The following SYNE1 variants were observed in gnomAD, a reference collection of about 807,000 sequenced individuals.
SYNE1 encodes spectrin repeat containing nuclear envelope protein 1.
SYNE1 carries 616 observed loss-of-function variants against 1,111.0 expected under a neutral mutation model. The observed-to-expected ratio is 0.55, with a 90% CI of 0.52 to 0.59. The LOEUF (loss-of-function observed/expected upper bound fraction) is 0.59, where lower values mean the gene tolerates loss of function less well. SYNE1 is among the 20% of genes least tolerant of loss of function. The pLI is 0.00. For synonymous variants in SYNE1, 3,855 were observed against 3,825.8 expected (o/e 1.01, Z -0.28); for missense variants, 10,006 against 10,417.0 (o/e 0.96, Z 1.72).
At chr6:152,381,430 T>C (rs1267426287) in intron 55 of SYNE1, 68 bp from the exon 56 acceptor site, 2 of 1,522,690 alleles carry the variant, frequency 1.3e-6, no homozygotes, top group Non-Finnish European at 1.8e-6. Flanking sequence ...TTTTCAACTG[T>C]GTACACAGGG....
At chr6:152,374,629 C>G (rs527697528) in intron 58 of SYNE1, among the ~76,000 whole-genome samples, 2 of 152,230 alleles carry the variant, frequency 1.3e-5, no homozygotes, top group Non-Finnish European at 2.9e-5. Flanking sequence ...CAAAAGTTAG[C>G]TGGGCGTGTT....
rs144692175 is a variant in SYNE1 at position 152,358,495 on chromosome 6, C to T, written c.10486G>A (p.Glu3496Lys). The change falls in exon 66 of 146, where the codon GAG becomes AAG. Residue 3496 changes from glutamate to lysine, a missense_variant. Glu to Lys is a moderately conservative substitution (Grantham distance 56). Coordinates refer to ENST00000367255, the MANE Select transcript of SYNE1 (RefSeq NM_182961.4). ...KSEKLVRLHQEYQRDLKAFEV... is the reference protein window; with the variant it reads ...KSEKLVRLHQKYQRDLKAFEV... ...AATGCCTTTAGGTCTCTCTGATACTCTTGGTGCAGGCGGACAAGTTTTTCA... is the reference window on the plus strand; with the variant it reads ...AATGCCTTTAGGTCTCTCTGATACTTTTGGTGCAGGCGGACAAGTTTTTCA... 14 of 1,614,068 alleles carry T rather than the reference C, an allele frequency of 8.7e-6. No homozygotes were observed. The African/African-American group carries it at 1.6e-4, about 18-fold the overall frequency.
At chr6:152,449,377 A>C (rs994087881) in intron 28 of SYNE1, among the ~76,000 whole-genome samples, 156 bp downstream of exon 28, 2 of 152,222 alleles carry the variant, frequency 1.3e-5, no homozygotes, top group Non-Finnish European at 2.9e-5. Context: ...AAAACTCTAC[A>C]TGCTCCACAG....
chr6:152,491,103 A>ATTGGTGT, intron 11 of SYNE1, among the ~76,000 whole-genome samples: 3 of 149,822 alleles, frequency 2.0e-5, no homozygotes, highest in African/African-American at 7.4e-5. Context: ...CCCACATTCC[A>ATTGGTGT]CTGGTGTCTG....
intron 36 of SYNE1, 91 bp from the exon 37 acceptor site, chr6:152,428,483 C>T: frequency 7.8e-7 from 1 of 1,289,908 alleles, no homozygotes; most frequent in Non-Finnish European, 1.1e-6. Flanking sequence ...AAATATTTTC[C>T]CTCAGTCATA....
In SYNE1 at chr6:152,330,728, T is replaced by C; in HGVS notation, c.13957A>G (p.Asn4653Asp). 8 of 1,614,022 alleles carry C rather than the reference T, an allele frequency of 5.0e-6. No homozygotes were observed. The highest frequency in any genetic ancestry group is 5.9e-6 in the Non-Finnish European group (7 of 1,180,030). ...TCTTTAGCCAAGGCAACAATTACATTAAATTGTCGAGGCAAAGCATTTAGC... is the reference window on the plus strand; with the variant it reads ...TCTTTAGCCAAGGCAACAATTACATCAAATTGTCGAGGCAAAGCATTTAGC... ...EKLNALPRQF[N>D]VIVALAKDKF... The change falls in exon 78 of 146, where the codon AAT becomes GAT. Residue 4653 changes from asparagine (N) to aspartate (D), a missense_variant. Transcript: ENST00000367255.
chr6:152,131,992 C>T (rs528302686), intron 144 of SYNE1, 130 bp downstream of exon 144: 33 of 724,066 alleles, frequency 4.6e-5, no homozygotes, highest in Admixed American at 7.1e-5. Context: ...GCTGAGGAAG[C>T]GCGCTACCCT....
At chr6:152,233,237 C>G (rs753175786) in intron 112 of SYNE1, among the ~76,000 whole-genome samples, 3 of 152,136 alleles carry the variant, frequency 2.0e-5, no homozygotes, top group Non-Finnish European at 2.9e-5. Context: ...CAAAGCCAGA[C>G]AAACATTCCA....
intron 133 of SYNE1, among the ~76,000 whole-genome samples, chr6:152,154,445 TAC>T (rs56398921): frequency 0.074 from 10,539 of 143,038 alleles, 395 homozygotes; most frequent in African/African-American, 0.12. Flanking sequence ...TTTTATCAAA[TAC>T]ACACACACAC....
At chr6:152,548,364 C>T (rs1305322436) in intron 3 of SYNE1, among the ~76,000 whole-genome samples, 2 of 152,196 alleles carry the variant, frequency 1.3e-5, no homozygotes, top group Non-Finnish European at 2.9e-5. Context: ...TGCCCCTGGA[C>T]AAAACGAACT....
Position 152,419,682 on chromosome 6 carries a change from AT to A in SYNE1, c.5307del (p.Gln1769HisfsTer28). ...FLQSVVAEHQQFDELLLSFSV... is the reference protein window; with the variant it reads ...FLQSVVAEHQXFDELLLSFSV... Reference sequence around the variant, plus strand: ...GAAAAGGAAAGCAGCAGCTCATCAAATTGCTGGTGTTCAGCAACCACAGACT... The same window carrying A: ...GAAAAGGAAAGCAGCAGCTCATCAAATGCTGGTGTTCAGCAACCACAGACT... On this transcript the variant is annotated frameshift_variant, in exon 40 of 146. Transcript: ENST00000367255. LOFTEE classifies it high-confidence loss of function. The A allele has an allele frequency of 6.2e-7, 1 of 1,614,094 alleles. No individual in the cohort carries two copies. Among genetic ancestry groups the A allele is most frequent in the Non-Finnish European group, 8.5e-7 (1 of 1,179,978 alleles).
intron 100 of SYNE1, among the ~76,000 whole-genome samples, chr6:152,266,950 G>A (rs1225217208): frequency 6.6e-6 from 1 of 151,184 alleles, no homozygotes; most frequent in African/African-American, 2.4e-5. Context: ...TTTTATTATT[G>A]ACGGTCTATT....
intron 3 of SYNE1, among the ~76,000 whole-genome samples, chr6:152,564,032 A>G (rs576078915): frequency 2.3e-4 from 34 of 146,836 alleles, no homozygotes; most frequent in African/African-American, 9.4e-4. Flanking sequence ...ACAAAAGACA[A>G]ACAAATATAG....
At chr6:152,400,392 G>A (rs1317723968) in intron 47 of SYNE1, among the ~76,000 whole-genome samples, 2 of 152,096 alleles carry the variant, frequency 1.3e-5, no homozygotes, top group Non-Finnish European at 2.9e-5. Flanking sequence ...GGCCAGGTGT[G>A]GTGGCTCACA....
chr6:152,591,689 A>G (rs946673228), intron 3 of SYNE1, among the ~76,000 whole-genome samples: 1 of 152,208 alleles, frequency 6.6e-6, no homozygotes, highest in African/African-American at 2.4e-5. Context: ...GAGTTTCTGC[A>G]CAGCAAAAGA....
chr6:152,330,367 A>G lies in SYNE1; in HGVS notation c.14318T>C (p.Leu4773Ser), dbSNP rs961974166. ...TTGGTAAGCACTGGTGGTGTCTTCTAATAAGCTAACCCTCTGTTCTGTTTG... is the reference window on the plus strand; with the variant it reads ...TTGGTAAGCACTGGTGGTGTCTTCTGATAAGCTAACCCTCTGTTCTGTTTG... ...KRQTEQRVSL[L>S]EDTTSAYQEH... Residue 4773 changes from leucine to serine, a missense_variant, in exon 78 of 146, where the codon TTA (leucine) becomes TCA (serine). By Grantham distance (145) the Leu-to-Ser change is moderately radical. This residue lies in a region of SYNE1 where 4,955 missense variants were observed against 5,017.2 expected (regional missense o/e 0.99). Coordinates refer to ENST00000367255, the MANE Select transcript of SYNE1 (RefSeq NM_182961.4). 1.2e-6 allele frequency: 2 copies of G among 1,614,090 alleles called. No homozygotes were observed. The highest frequency in any genetic ancestry group is 2.2e-5 in the East Asian group (1 of 44,880).
chr6:152,539,626 A>T (rs948743500), intron 4 of SYNE1, among the ~76,000 whole-genome samples: 1 of 152,154 alleles, frequency 6.6e-6, no homozygotes, highest in Non-Finnish European at 1.5e-5. Flanking sequence ...TCCAAATAGG[A>T]ACAAACACAC....
intron 38 of SYNE1, 25 bp downstream of exon 38, chr6:152,427,668 C>T (rs762932764): frequency 1.1e-5 from 18 of 1,613,378 alleles, no homozygotes; most frequent in Non-Finnish European, 1.4e-5. Context: ...TTATTTTTTC[C>T]TTCCTCACAC....
chr6:152,453,996 C>T (rs2098674099), intron 24 of SYNE1, among the ~76,000 whole-genome samples: 1 of 152,168 alleles, frequency 6.6e-6, no homozygotes, highest in African/African-American at 2.4e-5. Context: ...AGGAATATCT[C>T]ATCTTCCAAG....
Sources: allele counts gnomAD v4.1 joint callset (sites outside exome capture counted in the v4.1 genomes callset), GRCh38; gene constraint gnomAD v4.1.1; regional missense constraint gnomAD v4.1.1; transcripts MANE v1.5; gene names NCBI Gene and HGNC (gene_info 2026-07-23, HGNC 2026-07-21).